Variants in ADGRF4 observed in about 807,000 individuals in gnomAD.
ADGRF4 encodes adhesion G protein-coupled receptor F4, also known as G-protein coupled receptor PGR18.
ADGRF4 carries 63 observed loss-of-function variants against 58.5 expected under a neutral mutation model. The ratio of observed to expected loss-of-function variants is 1.08; its 90% CI spans 0.88 to 1.33. The LOEUF (loss-of-function observed/expected upper bound fraction) is 1.33. Among genes scored for constraint, ADGRF4 ranks in the 40% most tolerant of loss-of-function variants. The pLI is 0.00. For missense variants in ADGRF4, 931 were observed against 843.9 expected, an observed-to-expected ratio of 1.10 and a Z score of -1.28; for synonymous variants, 313 against 295.4, an observed-to-expected ratio of 1.06 and a Z score of -0.61.
intron 3 of ADGRF4, among the ~76,000 whole-genome samples, chr6:47,710,492 G>A (rs1333044891): frequency 6.6e-6 from 1 of 152,112 alleles, no homozygotes; most frequent in African/African-American, 2.4e-5. Context: ...CCCTTCAGGT[G>A]CTCTGGACTA....
chr6:47,715,130 A>C lies in ADGRF4; in HGVS notation c.1885A>C (p.Thr629Pro). ...TGGAATAGCCACTCTCATAGAAGGC[A>C]CTTCCTTGACGTTCCATATAATTTT... is the stretch of plus-strand genomic sequence containing the variant. ...GFGIATLIEG[T>P]SLTFHIIFAL... Residue 629 changes from threonine to proline, a missense_variant, in exon 6 of 10, where the codon ACT becomes CCT. Coordinates refer to ENST00000283303, the MANE Select transcript of ADGRF4 (RefSeq NM_153838.5). 1 of 1,598,222 alleles carries C rather than the reference A, an allele frequency of 6.3e-7. No individual in the cohort carries two copies. The highest frequency in any genetic ancestry group is 8.6e-7 in the Non-Finnish European group (1 of 1,166,898).
At chr6:47,716,703 C>A in intron 6 of ADGRF4, 103 bp from the exon 7 acceptor site, 2 of 845,010 alleles carry the variant, frequency 2.4e-6, no homozygotes, top group Non-Finnish European at 3.9e-6. Context: ...TTTCTAATGT[C>A]CAATAACTGC....
intron 9 of ADGRF4, among the ~76,000 whole-genome samples, chr6:47,718,919 G>T (rs1411511470): frequency 6.6e-6 from 1 of 152,106 alleles, no homozygotes; most frequent in Admixed American, 6.5e-5. Context: ...GTGAAACCAG[G>T]GGAGAACACA....
At chr6:47,708,320 G>A in intron 3 of ADGRF4, 42 bp downstream of exon 3, 2 of 1,474,094 alleles carry the variant, frequency 1.4e-6, no homozygotes, top group East Asian at 2.3e-5. Flanking sequence ...TGAAGACAGG[G>A]AAGAATAAAG....
intron 8 of ADGRF4, 94 bp from the exon 9 acceptor site, chr6:47,718,295 T>C (rs944124474): frequency 1.3e-6 from 1 of 776,736 alleles, no homozygotes; most frequent in Non-Finnish European, 2.4e-6. Context: ...CTCCTTTTCA[T>C]GTATTCATTT....
chr6:47,702,250 G>A (rs2113893495), intron 1 of ADGRF4, among the ~76,000 whole-genome samples: 1 of 152,092 alleles, frequency 6.6e-6, no homozygotes, highest in Middle Eastern at 3.4e-3. Context: ...GTGTGTGTCT[G>A]TGTGTGTGTT....
At chr6:47,707,891 G>A (rs1771758034) in intron 2 of ADGRF4, among the ~76,000 whole-genome samples, 2 of 152,106 alleles carry the variant, frequency 1.3e-5, no homozygotes, top group African/African-American at 2.4e-5. Flanking sequence ...AGTTAATACA[G>A]GCAGAGAACA....
intron 1 of ADGRF4, 29 bp from the exon 2 acceptor site, chr6:47,707,201 G>T (rs996372096): frequency 4.8e-6 from 6 of 1,240,934 alleles, no homozygotes; most frequent in East Asian, 2.3e-5. Flanking sequence ...GTCACCTTCA[G>T]GTGGGTATGC....
Position 47,714,878 on chromosome 6 carries a change from A to G in ADGRF4, c.1633A>G (p.Arg545Gly). 2 of 1,609,438 alleles carry G rather than the reference A, an allele frequency of 1.2e-6. No homozygotes were observed. Among genetic ancestry groups the G allele is most frequent in the Non-Finnish European group, 1.7e-6 (2 of 1,175,976 alleles). The change falls in exon 6 of 10, where the codon AGA becomes GGA. Residue 545 changes from arginine to glycine, a missense_variant. Transcript: ENST00000283303. ...CACAGAGCCAGAGAAAGGCTACATG[A>G]GACCTGAGGCCTGTTGGCTTAACTG... ...AITEPEKGYM[R>G]PEACWLNWDN...
intron 7 of ADGRF4, 93 bp downstream of exon 7, chr6:47,716,940 G>A (rs1482996372): frequency 2.4e-6 from 2 of 839,564 alleles, no homozygotes. Context: ...GCATACTCCA[G>A]GGGAGTTGAG....
rs1459207538 is a variant in ADGRF4, at chr6:47,710,715, T to C, written c.149-20T>C. 2.6e-6 allele frequency: 4 copies of C among 1,521,542 alleles called. No individual in the cohort carries two copies. The highest frequency in any genetic ancestry group is 3.5e-6 in the Non-Finnish European group (4 of 1,138,402). 94.3% of individuals were successfully genotyped at this position (1,521,542 alleles called of 1,614,324 possible). On this transcript the variant is annotated intron_variant, in intron 3 of 9. Coordinates refer to ENST00000283303, the MANE Select transcript of ADGRF4 (RefSeq NM_153838.5). ...TAATTGGGCTCCTGTCTCTCTCTCT[T>C]TCTCTTTTTTTCTTTATAGAGAAAT...
intron 1 of ADGRF4, among the ~76,000 whole-genome samples, chr6:47,704,249 G>T (rs1005910510): frequency 2.0e-5 from 3 of 152,018 alleles, no homozygotes; most frequent in Non-Finnish European, 4.4e-5. Flanking sequence ...TCACCACGTT[G>T]ACCAGGCTGG....
At chr6:47,718,704 C>T (rs1396285016) in intron 9 of ADGRF4, among the ~76,000 whole-genome samples, 1 of 152,192 alleles carries the variant, frequency 6.6e-6, no homozygotes, top group African/African-American at 2.4e-5. Context: ...GCTCACATAC[C>T]TTAATTCCAT....
At chr6:47,720,934 GGA>G (rs1772141859) in intron 9 of ADGRF4, among the ~76,000 whole-genome samples, 1 of 152,182 alleles carries the variant, frequency 6.6e-6, no homozygotes, top group Non-Finnish European at 1.5e-5. Flanking sequence ...CAGCAGAGCG[GGA>G]GAGAGGGCAC....
At position 47,721,802 on chromosome 6, in the gene ADGRF4, C is replaced by G. The variant is rs1461244898; in HGVS notation, c.*597C>G. On this transcript the variant is annotated 3_prime_UTR_variant, in exon 10 of 10. Coordinates refer to ENST00000283303, the MANE Select transcript of ADGRF4 (RefSeq NM_153838.5). Reference sequence around the variant, plus strand: ...TGTTTAATATGCTGATTATTTTAGTCTATTTTAGACCTTGAGTAAACTAAT... The same window carrying G: ...TGTTTAATATGCTGATTATTTTAGTGTATTTTAGACCTTGAGTAAACTAAT... 6.6e-6 allele frequency: 1 copy of G among 151,986 alleles called. No homozygotes were observed. The highest frequency in any genetic ancestry group is 1.5e-5 in the Non-Finnish European group (1 of 68,004). 9.4% of individuals were successfully genotyped at this position (151,986 alleles called of 1,614,324 possible).
rs1581696748 is a variant in ADGRF4, at chr6:47,713,853, C to T, written c.608C>T (p.Ala203Val). 1 of 1,594,482 alleles carries T rather than the reference C, an allele frequency of 6.3e-7. No homozygotes were observed. Residue 203 changes from alanine (A) to valine (V), a missense_variant, in exon 6 of 10, where the codon GCT (alanine) becomes GTT (valine). Transcript: ENST00000283303. ...ILDTAAISNW[A>V]FIPNKNASSD... ...GACACAGCAGCCATTTCAAACTGGGCTTTCATTCCCAACAAAAATGCCAGC... is the reference window on the plus strand; with the variant it reads ...GACACAGCAGCCATTTCAAACTGGGTTTTCATTCCCAACAAAAATGCCAGC...
Position 47,712,361 on chromosome 6 carries a change from C to T in ADGRF4, c.305C>T (p.Ser102Leu), listed in dbSNP as rs780094785. The T allele has an allele frequency of 3.3e-5, 53 of 1,613,742 alleles. No homozygotes were observed. Among genetic ancestry groups the T allele is most frequent in the Middle Eastern group, 1.6e-4 (1 of 6,082 alleles). ...AACTACATTTGTTTTAAACAGGACTCAACTGGTGCATCTCGCCTTTCTGTA... is the reference window on the plus strand; with the variant it reads ...AACTACATTTGTTTTAAACAGGACTTAACTGGTGCATCTCGCCTTTCTGTA... ...SLSVEKLFKD[S>L]TGASRLSVAA... is the part of the protein sequence containing the mutation. Residue 102 changes from serine (S) to leucine (L), a missense_variant, in exon 5 of 10, where the codon TCA becomes TTA. Coordinates refer to ENST00000283303, the MANE Select transcript of ADGRF4 (RefSeq NM_153838.5).
intron 8 of ADGRF4, among the ~76,000 whole-genome samples, chr6:47,717,650 A>G (rs1394891930): frequency 6.6e-6 from 1 of 152,258 alleles, no homozygotes; most frequent in Non-Finnish European, 1.5e-5. Context: ...GAGAGCGCTG[A>G]AATGAGAAAT....
intron 5 of ADGRF4, 52 bp downstream of exon 5, chr6:47,712,660 G>A (rs1331192242): frequency 7.1e-7 from 1 of 1,405,426 alleles, no homozygotes; most frequent in Non-Finnish European, 9.9e-7. Flanking sequence ...ATTTTCATTT[G>A]AATAGTTTCA....
Sources: allele counts gnomAD v4.1 joint callset (sites outside exome capture counted in the v4.1 genomes callset), GRCh38; gene constraint gnomAD v4.1.1; transcripts MANE v1.5; gene names NCBI Gene and HGNC (gene_info 2026-07-23, HGNC 2026-07-21).